Variants in CEMIP2 observed in about 807,000 individuals in gnomAD.
The protein encoded by CEMIP2 is cell surface hyaluronidase CEMIP2.
In CEMIP2, 79 loss-of-function variants were observed where a neutral mutation model predicts 146.9. The ratio of observed to expected loss-of-function variants is 0.54; its 90% CI spans 0.45 to 0.65. The LOEUF is 0.65. CEMIP2 is among the 30% of genes least tolerant of loss of function. The pLI is 0.00. For missense variants in CEMIP2, 1,596 were observed against 1,696.2 expected (o/e 0.94, Z 1.04); for synonymous variants, 601 against 606.3 (o/e 0.99, Z 0.13).
Position 71,740,092 on chromosome 9 carries a change from G to A in CEMIP2, c.1175C>T (p.Ser392Phe). Residue 392 changes from serine to phenylalanine, a missense_variant, in exon 5 of 24, where the codon TCT becomes TTT. By Grantham distance (155) the Ser-to-Phe change is radical (BLOSUM62 -2). Transcript: ENST00000377044. ...AATCCATTCACTATAAGCTGTCACAGAGAACTTCTGGCCATCCACAGTATA... is the reference window on the plus strand; with the variant it reads ...AATCCATTCACTATAAGCTGTCACAAAGAACTTCTGGCCATCCACAGTATA... ...EFYTVDGQKF[S>F]VTAYSEWIEG... 2.5e-6 allele frequency: 4 copies of A among 1,613,956 alleles called. No individual in the cohort carries two copies. Among genetic ancestry groups the A allele is most frequent in the Non-Finnish European group, 3.4e-6 (4 of 1,179,994 alleles).
chr9:71,748,501 C>T (rs1824151930), intron 2 of CEMIP2, among the ~76,000 whole-genome samples: 1 of 152,122 alleles, frequency 6.6e-6, no homozygotes, highest in Non-Finnish European at 1.5e-5. Flanking sequence ...TCAGCAATGC[C>T]CTGTTTTAGA....
In CEMIP2 at chr9:71,685,355, G is replaced by C. The variant is rs767293472; in HGVS notation, c.3994C>G (p.Pro1332Ala). 15 of 1,528,930 alleles carry C rather than the reference G, an allele frequency of 9.8e-6. No homozygotes were observed. In the South Asian group the frequency reaches 1.8e-4, roughly 19 times the overall value. The allele number at this position is 1,528,930 out of a possible 1,614,324, so 94.7% of individuals were successfully genotyped here. A position where few individuals can be genotyped will look rare whatever the true frequency, so the allele number is the denominator to read the frequency against. The change falls in exon 24 of 24, where the codon CCA becomes GCA. Residue 1332 changes from proline (P) to alanine (A), a missense_variant. Transcript: ENST00000377044. ...IFLGFSGNFK[P>A]SWTKLFTSPA... ...CTGGTAAATAGCTTAGTCCATGATGGTTTAAAGTTTCCACTGAATCCCAAA... is the reference window on the plus strand; with the variant it reads ...CTGGTAAATAGCTTAGTCCATGATGCTTTAAAGTTTCCACTGAATCCCAAA...
chr9:71,697,432 C>T (rs2131871392), intron 20 of CEMIP2, among the ~76,000 whole-genome samples: 1 of 152,226 alleles, frequency 6.6e-6, no homozygotes, highest in South Asian at 2.1e-4. Flanking sequence ...GAAGCATTTG[C>T]ATTTCGAACC....
At chr9:71,744,080 T>C (rs1824003397) in intron 4 of CEMIP2, among the ~76,000 whole-genome samples, 1 of 152,174 alleles carries the variant, frequency 6.6e-6, no homozygotes, top group African/African-American at 2.4e-5. Flanking sequence ...TTAATTAGAA[T>C]ATGGCACAAG....
rs1273128106 is a variant in CEMIP2 at position 71,728,295 on chromosome 9, A to ACACG, written c.2049+1549_2049+1550insCGTG. Among the ~76,000 whole-genome samples the ACACG allele has an allele frequency of 1.2e-3, 50 of 43,232 alleles. 8 individuals carry two copies. Among genetic ancestry groups the ACACG allele is most frequent in the South Asian group, 2.2e-3 (2 of 890 alleles). 28.4% of individuals were successfully genotyped at this position (43,232 alleles called of 152,430 possible). On this transcript the variant is annotated intron_variant, in intron 10 of 23. Transcript: ENST00000377044. ...TATATATATATGTATATATATATATATATATACATATATATATATATACGT... is the reference window on the plus strand; with the variant it reads ...TATATATATATGTATATATATATATACACGTATATACATATATATATATATACGT...
At chr9:71,698,605 T>C (rs1589130063) in intron 19 of CEMIP2, among the ~76,000 whole-genome samples, 1 of 5,436 alleles carries the variant, frequency 1.8e-4, no homozygotes, top group Non-Finnish European at 5.0e-4. Flanking sequence ...TCATAAATCA[T>C]TTTGGTTAAG....
chr9:71,696,412 T>C (rs1415665288), intron 20 of CEMIP2, among the ~76,000 whole-genome samples: 2 of 151,428 alleles, frequency 1.3e-5, no homozygotes, highest in African/African-American at 4.9e-5. Context: ...ATTTTACTTG[T>C]ATGAGAGAGT....
chr9:71,697,897 T>G lies in CEMIP2; in HGVS notation c.3597+88A>C, dbSNP rs540046227. On this transcript the variant is annotated intron_variant, in intron 20 of 23. Transcript: ENST00000377044. Reference sequence around the variant, plus strand: ...ATGCAATGTCCATAAATGGGCAATATAGATGTTTCAAAGAAAAGTGCTCCT... The same window carrying G: ...ATGCAATGTCCATAAATGGGCAATAGAGATGTTTCAAAGAAAAGTGCTCCT... 3.0e-6 allele frequency: 4 copies of G among 1,337,304 alleles called. No individual in the cohort carries two copies. The African/African-American group carries it at 5.8e-5, about 19-fold the overall frequency. 82.8% of individuals were successfully genotyped at this position (1,337,304 alleles called of 1,614,324 possible).
At chr9:71,685,913 T>C in intron 22 of CEMIP2, 67 bp from the exon 23 acceptor site, 3 of 1,128,954 alleles carry the variant, frequency 2.7e-6, no homozygotes, top group Non-Finnish European at 4.0e-6. Context: ...TTCTACTGAG[T>C]ATCTTTCTGA....
chr9:71,745,323 C>CA lies in CEMIP2; in HGVS notation c.728dup (p.Leu243PhefsTer18). ...AGCCTGAGGAATTCAGGGTCCTTGC[C>CA]AACAACGTCCACGATGCCTTCCGTG... On this transcript the variant is annotated frameshift_variant, in exon 4 of 24. Coordinates refer to ENST00000377044, the MANE Select transcript of CEMIP2 (RefSeq NM_013390.3). LOFTEE classifies it high-confidence loss of function. The CA allele has an allele frequency of 4.3e-6, 7 of 1,613,498 alleles. No individual in the cohort carries two copies. The highest frequency in any genetic ancestry group is 5.9e-6 in the Non-Finnish European group (7 of 1,179,452).
At chr9:71,691,930 G>A (rs1822239091) in intron 21 of CEMIP2, among the ~76,000 whole-genome samples, 1 of 152,066 alleles carries the variant, frequency 6.6e-6, no homozygotes, top group Non-Finnish European at 1.5e-5. Flanking sequence ...CCAACATGGT[G>A]AAACCCCATC....
chr9:71,719,927 A>G (rs558888988), intron 12 of CEMIP2, among the ~76,000 whole-genome samples: 7 of 151,154 alleles, frequency 4.6e-5, no homozygotes, highest in South Asian at 4.2e-4. Flanking sequence ...CTTCCTATCA[A>G]TATAAATCAA....
rs1822923005 is a variant in CEMIP2 at position 71,712,105 on chromosome 9, G to A, written c.2747C>T (p.Ser916Phe). The change falls in exon 16 of 24, where the codon TCC (serine) becomes TTC (phenylalanine). Residue 916 changes from serine to phenylalanine, a missense_variant. Physicochemically the swap from Ser to Phe is radical, Grantham distance 155. Coordinates refer to ENST00000377044, the MANE Select transcript of CEMIP2 (RefSeq NM_013390.3). ...TACATGTGGACCAAACTTCACGAGG[G>A]AGATATTATTCCTGGGGGTTATCTG... ...SWQITPRNNI[S>F]LVKFGPHVSL... 6.2e-7 allele frequency: 1 copy of A among 1,613,990 alleles called. No homozygotes were observed. The highest frequency in any genetic ancestry group is 1.1e-5 in the South Asian group (1 of 91,064).
intron 10 of CEMIP2, 149 bp from the exon 11 acceptor site, chr9:71,725,858 G>A: frequency 2.6e-6 from 2 of 778,184 alleles, no homozygotes; most frequent in East Asian, 2.9e-5. Flanking sequence ...ATAAAAAGTT[G>A]TACACACGTC....
At chr9:71,756,472 CCTCTCTCTCTCTCT>C (rs67234507) in intron 1 of CEMIP2, among the ~76,000 whole-genome samples, 1 of 130,050 alleles carries the variant, frequency 7.7e-6, no homozygotes, top group African/African-American at 2.9e-5. Flanking sequence ...ACTACAGATT[CCTCTCTCTCTCTCT>C]CTCTCTCTCT....
Position 71,694,585 on chromosome 9 carries a change from T to C in CEMIP2, c.3620A>G (p.His1207Arg), listed in dbSNP as rs200776238. Residue 1207 changes from histidine to arginine, a missense_variant, in exon 21 of 24, where the codon CAT becomes CGT. Transcript: ENST00000377044. Reference protein sequence around the residue: ...TRQVVFTSDPHKSYLPVQFQS... With the variant: ...TRQVVFTSDPRKSYLPVQFQS... The stretch of plus-strand genomic sequence containing the variant: ...GAATTGCACAGGGAGGTAACTTTTA[T>C]GAGGATCACTAGTAAACACCACCTA... 6.3e-5 allele frequency: 101 copies of C among 1,613,690 alleles called. No homozygotes were observed. Among genetic ancestry groups the C allele is most frequent in the Non-Finnish European group, 8.0e-5 (94 of 1,179,748 alleles).
chr9:71,744,353 C>G (rs1365267362), intron 4 of CEMIP2, among the ~76,000 whole-genome samples: 13 of 152,048 alleles, frequency 8.5e-5, no homozygotes, highest in Non-Finnish European at 2.9e-5. Flanking sequence ...CCAGCTCGGG[C>G]AACGGGGCAA....
intron 16 of CEMIP2, among the ~76,000 whole-genome samples, chr9:71,711,307 C>T (rs1391538063): frequency 6.6e-6 from 1 of 151,942 alleles, no homozygotes; most frequent in Non-Finnish European, 1.5e-5. Context: ...CACACCTACA[C>T]TCCCAATACT....
In CEMIP2 at chr9:71,697,994, G is replaced by A. The variant is rs1434116723; in HGVS notation, c.3588C>T (p.Gly1196=). The A allele has an allele frequency of 6.2e-6, 10 of 1,613,516 alleles. No individual in the cohort carries two copies. Among genetic ancestry groups the A allele is most frequent in the African/African-American group, 1.3e-5 (1 of 74,930 alleles). The change falls in exon 20 of 24, where the codon GGC becomes GGT. Residue 1196 remains glycine (G), a synonymous_variant. Transcript: ENST00000377044. The part of the protein sequence containing the change: ...AMLTGLCQGC[G]TRQVVFTSDP... Reference sequence around the variant, plus strand: ...TTTCATCCTTGTTTACCTGCCGAGTGCCACAGCCTTGACAGAGTCCAGTGA... The same window carrying A: ...TTTCATCCTTGTTTACCTGCCGAGTACCACAGCCTTGACAGAGTCCAGTGA...
Sources: allele counts gnomAD v4.1 joint callset (sites outside exome capture counted in the v4.1 genomes callset), GRCh38; gene constraint gnomAD v4.1.1; transcripts MANE v1.5; gene names NCBI Gene and HGNC (gene_info 2026-07-23, HGNC 2026-07-21).